Variants in CDH4 observed in about 807,000 individuals in gnomAD.
The protein encoded by CDH4 is cadherin 4.
Under a neutral mutation model 86.0 loss-of-function variants are expected in CDH4, and 33 were observed. The ratio of observed to expected loss-of-function variants is 0.38; its 90% CI spans 0.29 to 0.51. CDH4 has a LOEUF of 0.51. Ranked by LOEUF, CDH4 falls within the 20% of genes least tolerant of loss-of-function variation. The pLI, the probability that CDH4 is intolerant of heterozygous loss-of-function variation, is 0.86. For missense variants in CDH4, 1,114 were observed against 1,307.4 expected, an observed-to-expected ratio of 0.85 and a Z score of 2.28; for synonymous variants, 555 against 549.4, an observed-to-expected ratio of 1.01 and a Z score of -0.14.
rs73150321 is a variant in CDH4, at chr20:61,681,947, A to G, written c.170-61616A>G. Among the ~76,000 whole-genome samples, 9,549 of 152,316 alleles carry G rather than the reference A, an allele frequency of 0.063. 408 individuals carry two copies. Among genetic ancestry groups the G allele is most frequent in the Middle Eastern group, 0.12 (36 of 294 alleles). On this transcript the variant is annotated intron_variant, in intron 2 of 15. Coordinates refer to ENST00000614565, the MANE Select transcript of CDH4 (RefSeq NM_001794.5). The surrounding 1 kb of genome is among the most constrained non-coding windows in gnomAD (Gnocchi z 4.5). ...CAGGAGCTGCCTGTGACCCCAGGGCAATCTGGGTTGTCATTGCAGAAGGAA... is the reference window on the plus strand; with the variant it reads ...CAGGAGCTGCCTGTGACCCCAGGGCGATCTGGGTTGTCATTGCAGAAGGAA...
chr20:61,523,425 C>T (rs1281227009), intron 2 of CDH4, among the ~76,000 whole-genome samples: 1 of 152,282 alleles, frequency 6.6e-6, no homozygotes, highest in Non-Finnish European at 1.5e-5. Flanking sequence ...ACCCTTCCAG[C>T]ATTCCAGCAC....
chr20:61,260,377 A>G (rs902590697), intron 2 of CDH4, among the ~76,000 whole-genome samples: 3 of 152,210 alleles, frequency 2.0e-5, no homozygotes, highest in African/African-American at 7.2e-5. Flanking sequence ...GAACCCTTAG[A>G]TATATTAAGC....
intron 2 of CDH4, among the ~76,000 whole-genome samples, chr20:61,406,944 G>A (rs1286241237): frequency 7.4e-6 from 1 of 134,472 alleles, no homozygotes; most frequent in Non-Finnish European, 1.5e-5. Context: ...GCTCTGCCTG[G>A]ACCTCCGTCT....
rs753916349 is a variant in CDH4 at position 61,924,400 on chromosome 20, G to T, written c.1695G>T (p.Thr565=). ...ATGCCACCAACGGCCAGATCACCAC[G>T]GCGGCAGTGCTGGACCGTGAGTCCC... ...HINATNGQIT[T]AAVLDRESLY... The change falls in exon 11 of 16, where the codon ACG becomes ACT. Residue 565 remains threonine, a synonymous_variant. Transcript: ENST00000614565. 1 of 1,613,240 alleles carries T rather than the reference G, an allele frequency of 6.2e-7. No homozygotes were observed. Among genetic ancestry groups the T allele is most frequent in the East Asian group, 2.2e-5 (1 of 44,810 alleles).
intron 4 of CDH4, among the ~76,000 whole-genome samples, chr20:61,841,784 G>A (rs944586144): frequency 6.6e-6 from 1 of 152,252 alleles, no homozygotes; most frequent in South Asian, 2.1e-4. Flanking sequence ...TGCGCGCACC[G>A]TGGGCCTGCA....
At chr20:61,734,181 C>T (rs976660991) in intron 2 of CDH4, among the ~76,000 whole-genome samples, 5 of 152,372 alleles carry the variant, frequency 3.3e-5, no homozygotes, top group East Asian at 1.9e-4. Context: ...CTGCCGTGCA[C>T]GCGTGAGACT....
intron 2 of CDH4, among the ~76,000 whole-genome samples, chr20:61,302,433 TG>T (rs1190981593): frequency 6.6e-6 from 1 of 152,114 alleles, no homozygotes; most frequent in East Asian, 1.9e-4. Context: ...AGATGAACGG[TG>T]AAAAGCAAAA....
rs558437494 is a variant in CDH4 at position 61,472,857 on chromosome 20, A to G, written c.169+217920A>G. 7.2e-5 allele frequency among the ~76,000 whole-genome samples: 11 copies of G among 152,330 alleles called. 2 individuals carry two copies. The highest frequency in any genetic ancestry group is 3.4e-3 in the Middle Eastern group (1 of 292). The stretch of plus-strand genomic sequence containing the variant: ...CTTTTTAGTCAAATATGAATCATCT[A>G]TTCTCATTTTGCTAAAAAAGAGGCT... On this transcript the variant is annotated intron_variant, in intron 2 of 15. Coordinates refer to ENST00000614565, the MANE Select transcript of CDH4 (RefSeq NM_001794.5).
intron 2 of CDH4, among the ~76,000 whole-genome samples, chr20:61,424,902 A>G (rs1017182775): frequency 8.6e-6 from 1 of 116,122 alleles, no homozygotes; most frequent in Non-Finnish European, 2.1e-5. Flanking sequence ...AAGATGGGAA[A>G]GGCATAAGCC....
chr20:61,409,656 A>C (rs2085105096), intron 2 of CDH4, among the ~76,000 whole-genome samples: 1 of 152,222 alleles, frequency 6.6e-6, no homozygotes, highest in African/African-American at 2.4e-5. Context: ...CGTGTGACAC[A>C]GGTTGGTCGC....
At chr20:61,481,644 G>T (rs2085568766) in intron 2 of CDH4, among the ~76,000 whole-genome samples, 1 of 152,214 alleles carries the variant, frequency 6.6e-6, no homozygotes, top group African/African-American at 2.4e-5. Context: ...ATTTCACAGA[G>T]TGCAGGCTCC....
At chr20:61,719,595 C>T (rs2183432) in intron 2 of CDH4, 47,317 of 175,610 alleles carry the variant, frequency 0.27, 7,675 homozygotes, top group East Asian at 0.62. Flanking sequence ...GTTATGGATG[C>T]AAAACGCATG....
intron 2 of CDH4, among the ~76,000 whole-genome samples, chr20:61,267,698 G>A (rs770051103): frequency 1.3e-5 from 2 of 152,178 alleles, no homozygotes; most frequent in African/African-American, 2.4e-5. Flanking sequence ...CTAAAGGTCT[G>A]CGTTGGGGAA....
chr20:61,686,691 A>G (rs1311902626), intron 2 of CDH4, among the ~76,000 whole-genome samples: 1 of 141,078 alleles, frequency 7.1e-6, no homozygotes, highest in South Asian at 2.3e-4. Flanking sequence ...TTGTGTGTGC[A>G]TGTGTGTATG....
At chr20:61,629,966 CAG>C (rs753964242) in intron 2 of CDH4, among the ~76,000 whole-genome samples, 2 of 152,214 alleles carry the variant, frequency 1.3e-5, no homozygotes, top group African/African-American at 2.4e-5. Flanking sequence ...GCTCGGAGGA[CAG>C]CTGACTGCCT....
Position 61,656,302 on chromosome 20 carries a change from T to C in CDH4, c.170-87261T>C, listed in dbSNP as rs367981725. ...GTGGGCAGGCGCGTGCTGGGGTGGG[T>C]AGGCACGTGCTGAAGTGGGCAGGCG... On this transcript the variant is annotated intron_variant, in intron 2 of 15. Transcript: ENST00000614565. Among the ~76,000 whole-genome samples the C allele has an allele frequency of 1.4e-3, 112 of 77,726 alleles. 3 individuals are homozygous for C. The highest frequency in any genetic ancestry group is 0.01 in the East Asian group (31 of 2,972). The allele number at this position is 77,726 out of a possible 152,430, so 51.0% of individuals were successfully genotyped here.
chr20:61,552,550 A>C (rs1006705672), intron 2 of CDH4, among the ~76,000 whole-genome samples: 3 of 152,138 alleles, frequency 2.0e-5, no homozygotes, highest in African/African-American at 7.2e-5. Flanking sequence ...AAACACAAAA[A>C]TTATCTGGGC....
intron 2 of CDH4, among the ~76,000 whole-genome samples, chr20:61,724,567 G>T (rs2088087548): frequency 6.6e-6 from 1 of 152,224 alleles, no homozygotes; most frequent in Admixed American, 6.5e-5. Flanking sequence ...GAGGCAGCAG[G>T]AAGTGGAGAG....
At chr20:61,264,643 A>C (rs1388966306) in intron 2 of CDH4, among the ~76,000 whole-genome samples, 1 of 149,186 alleles carries the variant, frequency 6.7e-6, no homozygotes, top group Admixed American at 6.6e-5. Flanking sequence ...TCCTTCATTC[A>C]ATCTTACACA....
Sources: allele counts gnomAD v4.1 joint callset (sites outside exome capture counted in the v4.1 genomes callset), GRCh38; gene constraint gnomAD v4.1.1; non-coding constraint Gnocchi (gnomAD v3.1); transcripts MANE v1.5; gene names NCBI Gene and HGNC (gene_info 2026-07-23, HGNC 2026-07-21).